INPP5D: variants seen among roughly 807,000 people sequenced by gnomAD.
INPP5D encodes phosphatidylinositol 3,4,5-trisphosphate 5-phosphatase 1.
Under a neutral mutation model 122.9 loss-of-function variants are expected in INPP5D, and 33 were observed. The ratio of observed to expected loss-of-function variants is 0.27; its 90% CI spans 0.20 to 0.36. The LOEUF (loss-of-function observed/expected upper bound fraction) is 0.36, where lower values mean the gene tolerates loss of function less well. Among genes scored for constraint, INPP5D ranks in the 10% least tolerant of loss-of-function variants. The probability of loss-of-function intolerance (pLI) is 1.00; values close to 1 mark genes in which losing one functional copy is unlikely to be tolerated. For synonymous variants in INPP5D, 584 were observed against 576.2 expected, an observed-to-expected ratio of 1.01 and a Z score of -0.19; for missense variants, 1,053 against 1,412.7, an observed-to-expected ratio of 0.75 and a Z score of 4.08.
chr2:233,155,737 T>C (rs1694035764), intron 9 of INPP5D, among the ~76,000 whole-genome samples: 1 of 151,386 alleles, frequency 6.6e-6, no homozygotes. Flanking sequence ...ATTGAGAAAA[T>C]TTATTAAAGA....
intron 17 of INPP5D, among the ~76,000 whole-genome samples, chr2:233,176,356 G>GATGA (rs59316189): frequency 0.18 from 25,082 of 138,642 alleles, 2,811 homozygotes; most frequent in Non-Finnish European, 0.22. Context: ...TGGATGGATG[G>GATGA]ATAGGCGAAT....
intron 22 of INPP5D, among the ~76,000 whole-genome samples, chr2:233,191,894 C>T (rs1320694898): frequency 6.6e-6 from 1 of 152,222 alleles, no homozygotes; most frequent in Non-Finnish European, 1.5e-5. Flanking sequence ...ATGAAAGCCC[C>T]ACGCATAGTC....
intron 18 of INPP5D, among the ~76,000 whole-genome samples, chr2:233,181,549 C>T (rs1264028588): frequency 6.6e-6 from 1 of 152,202 alleles, no homozygotes; most frequent in African/African-American, 2.4e-5. Context: ...TGCCAGGCAT[C>T]TCCAACGGGC....
chr2:233,060,382 C>A lies in INPP5D; in HGVS notation c.-97C>A. ...AGCAGCCGAGGCCACCAAGAGGCAA[C>A]GGGCGGCAGGTTGCAGTGGAGGGGC... On this transcript the variant is annotated 5_prime_UTR_variant, in exon 1 of 27. Transcript: ENST00000445964. The A allele has an allele frequency of 7.2e-7, 1 of 1,392,266 alleles. No homozygotes were observed. The highest frequency in any genetic ancestry group is 1.4e-5 in the South Asian group (1 of 71,240). 86.2% of individuals were successfully genotyped at this position (1,392,266 alleles called of 1,614,324 possible).
chr2:233,072,957 G>A lies in INPP5D; in HGVS notation c.135-6378G>A, dbSNP rs114870060. ...CCACCCCTGAACTGAAGAGGCAGTG[G>A]CCAGAGCTGTGTCACCAGAACCTGG... is the stretch of plus-strand genomic sequence containing the variant. On this transcript the variant is annotated intron_variant, in intron 1 of 26. Coordinates refer to ENST00000445964, the MANE Select transcript of INPP5D (RefSeq NM_001017915.3). Among the ~76,000 whole-genome samples, 1,051 of 152,334 alleles carry A rather than the reference G, an allele frequency of 6.9e-3. 16 individuals carry two copies. Among genetic ancestry groups the A allele is most frequent in the African/African-American group, 0.024 (1,012 of 41,566 alleles).
rs1559332661 is a variant in INPP5D at position 233,171,049 on chromosome 2, GTC to G, written c.1901-9_1901-8del. On this transcript the variant is annotated splice_polypyrimidine_tract_variant and intron_variant, in intron 16 of 26. Coordinates refer to ENST00000445964, the MANE Select transcript of INPP5D (RefSeq NM_001017915.3). ...CTGGGGAATCAGAATTAAAACGAAA[GTC>G]TCTCTGTTTCAGAGGAGGAAGAAAT... 5 of 1,612,808 alleles carry G rather than the reference GTC, an allele frequency of 3.1e-6. No individual in the cohort carries two copies. The highest frequency in any genetic ancestry group is 2.2e-5 in the East Asian group (1 of 44,796).
intron 18 of INPP5D, among the ~76,000 whole-genome samples, chr2:233,178,836 G>A (rs927044134): frequency 6.6e-6 from 1 of 152,174 alleles, no homozygotes; most frequent in African/African-American, 2.4e-5. Context: ...GCCTCTAAAG[G>A]ATGGCCACCC....
rs145178373 is a variant in INPP5D, at chr2:233,066,929, C to T, written c.134+6317C>T. On this transcript the variant is annotated intron_variant, in intron 1 of 26. Transcript: ENST00000445964. ...AATAGCTGGGATTACAGGTGCCTCCCATCACACCCAGCTAATTTTTGTATT... is the reference window on the plus strand; with the variant it reads ...AATAGCTGGGATTACAGGTGCCTCCTATCACACCCAGCTAATTTTTGTATT... 9.2e-3 allele frequency among the ~76,000 whole-genome samples: 1,406 copies of T among 152,278 alleles called. 18 individuals carry two copies. Among genetic ancestry groups the T allele is most frequent in the South Asian group, 0.032 (153 of 4,824 alleles).
At position 233,100,244 on chromosome 2, in the gene INPP5D, G is replaced by A. The variant is rs955388154; in HGVS notation, c.198+20846G>A. Among the ~76,000 whole-genome samples the A allele has an allele frequency of 1.3e-5, 2 of 152,030 alleles. No homozygotes were observed. Among genetic ancestry groups the A allele is most frequent in the African/African-American group, 2.4e-5 (1 of 41,384 alleles). On this transcript the variant is annotated intron_variant, in intron 2 of 26. Transcript: ENST00000445964. This position sits in a 1 kb window ranked among gnomAD's most constrained non-coding sequence, Gnocchi z 5.3. ...CCTGTTCCACTCATTTACATCACCC[G>A]CCTGACTGCTGTAGGCCACTGAGCT...
rs1443215085 is a variant in INPP5D at position 233,160,712 on chromosome 2, C to A, written c.1138-1012C>A. 2.6e-5 allele frequency among the ~76,000 whole-genome samples: 4 copies of A among 152,130 alleles called. No individual in the cohort carries two copies. The highest frequency in any genetic ancestry group is 5.9e-5 in the Non-Finnish European group (4 of 68,030). On this transcript the variant is annotated intron_variant, in intron 10 of 26. Transcript: ENST00000445964. The surrounding 1 kb of genome is among the most constrained non-coding windows in gnomAD (Gnocchi z 4.2). ...GCAGTGGCAAGATCATGGCTCACTGCAACCTCAACTTTCTGGCCTCAAGTA... is the reference window on the plus strand; with the variant it reads ...GCAGTGGCAAGATCATGGCTCACTGAAACCTCAACTTTCTGGCCTCAAGTA...
intron 5 of INPP5D, among the ~76,000 whole-genome samples, chr2:233,136,837 G>A (rs6719575): frequency 0.47 from 71,469 of 152,170 alleles, 17,214 homozygotes; most frequent in African/African-American, 0.54. Flanking sequence ...TTTTAAACAT[G>A]AGAAATGTCA....
At chr2:233,088,608 G>A (rs1371011193) in intron 2 of INPP5D, among the ~76,000 whole-genome samples, 11 of 152,302 alleles carry the variant, frequency 7.2e-5, no homozygotes, top group African/African-American at 2.6e-4. Context: ...AGATTTTGAG[G>A]ACTAAAAGAG....
In INPP5D at chr2:233,158,272, A is replaced by G. The variant is rs1017579748; in HGVS notation, c.1031-41A>G. 7.3e-6 allele frequency: 5 copies of G among 687,808 alleles called. No homozygotes were observed. The African/African-American group carries it at 8.8e-5, about 12-fold the overall frequency. The allele number at this position is 687,808 out of a possible 1,614,324, so 42.6% of individuals were successfully genotyped here. A position where few individuals can be genotyped will look rare whatever the true frequency, so the allele number is the denominator to read the frequency against. Reference sequence around the variant, plus strand: ...AATGGAGACCGTCCATATTGGTTGAATGAGTGGATGAATGAATTAATGAAT... The same window carrying G: ...AATGGAGACCGTCCATATTGGTTGAGTGAGTGGATGAATGAATTAATGAAT... On this transcript the variant is annotated intron_variant, in intron 9 of 26. Transcript: ENST00000445964.
chr2:233,132,747 G>A (rs1219397879), intron 5 of INPP5D, among the ~76,000 whole-genome samples: 1 of 152,110 alleles, frequency 6.6e-6, no homozygotes, highest in African/African-American at 2.4e-5. Context: ...TGTATTGGAG[G>A]CCTCCTCTGA....
Position 233,163,704 on chromosome 2 carries a change from A to C in INPP5D, c.1241-3A>C, listed in dbSNP as rs747161484. 1 of 1,613,484 alleles carries C rather than the reference A, an allele frequency of 6.2e-7. No individual in the cohort carries two copies. The highest frequency in any genetic ancestry group is 8.5e-7 in the Non-Finnish European group (1 of 1,179,762). ...CACTTGGTGTTGGGTTTTGCTGTTGAAGGTAACGCCCCCCCTCCCAAGAAG... is the reference window on the plus strand; with the variant it reads ...CACTTGGTGTTGGGTTTTGCTGTTGCAGGTAACGCCCCCCCTCCCAAGAAG... On this transcript the variant is annotated splice_region_variant and splice_polypyrimidine_tract_variant and intron_variant, in intron 11 of 26. Transcript: ENST00000445964.
chr2:233,132,857 A>G lies in INPP5D; in HGVS notation c.665+2209A>G, dbSNP rs139784623. Among the ~76,000 whole-genome samples, 812 of 151,222 alleles carry G rather than the reference A, an allele frequency of 5.4e-3. 10 individuals are homozygous for G. Among genetic ancestry groups the G allele is most frequent in the African/African-American group, 0.019 (776 of 41,242 alleles). ...CTAACATCTCAGTGAGGCACACAAC[A>G]GTAGACTAAGGATCCAGATGAACAA... On this transcript the variant is annotated intron_variant, in intron 5 of 26. Transcript: ENST00000445964.
intron 17 of INPP5D, among the ~76,000 whole-genome samples, chr2:233,175,584 G>T (rs1194255700): frequency 6.6e-6 from 1 of 152,076 alleles, no homozygotes. Flanking sequence ...AAATGCATGG[G>T]ACTGTACACT....
At position 233,167,160 on chromosome 2, in the gene INPP5D, C is replaced by T. The variant is rs571749705; in HGVS notation, c.1556-2145C>T. Among the ~76,000 whole-genome samples, 12 of 144,136 alleles carry T rather than the reference C, an allele frequency of 8.3e-5. 1 individual carries two copies. The highest frequency in any genetic ancestry group is 2.9e-4 in the Admixed American group (4 of 13,778). 94.6% of individuals were successfully genotyped at this position (144,136 alleles called of 152,430 possible). A position where few individuals can be genotyped will look rare whatever the true frequency, so the allele number is the denominator to read the frequency against. On this transcript the variant is annotated intron_variant, in intron 13 of 26. Transcript: ENST00000445964. ...CCAAGGTGGGAGGACCTCCTGAGAC[C>T]GGGAGTTTGAGACCAGCCTGGGCAA...
At chr2:233,073,670 C>G (rs1691442364) in intron 1 of INPP5D, among the ~76,000 whole-genome samples, 2 of 145,898 alleles carry the variant, frequency 1.4e-5, no homozygotes, top group African/African-American at 2.5e-5. Context: ...AAAAAAATCT[C>G]TGTCTTTTCA....
Sources: gnomAD v4.1 joint callset for allele counts (sites outside exome capture counted in the v4.1 genomes callset) on GRCh38, gnomAD v4.1.1 for gene constraint, Gnocchi (gnomAD v3.1) non-coding constraint, MANE v1.5 for transcripts, NCBI Gene and HGNC (gene_info 2026-07-23, HGNC 2026-07-21) for gene names.